PRDX4: variants seen among roughly 807,000 people sequenced by gnomAD.
The protein encoded by PRDX4 is peroxiredoxin-4.
A neutral mutation model predicts 20.5 loss-of-function variants in PRDX4; 12 were observed. That is an observed-to-expected ratio of 0.58 (90% CI 0.37 to 0.95). The LOEUF (loss-of-function observed/expected upper bound fraction) is 0.95. PRDX4 is among the 40% of genes least tolerant of loss of function. PRDX4 has a pLI of 0.01. For synonymous variants in PRDX4, 99 were observed against 87.5 expected, an observed-to-expected ratio of 1.13 and a Z score of -0.73; for missense variants, 180 against 207.3, an observed-to-expected ratio of 0.87 and a Z score of 0.81.
At chrX:23,682,604 A>G (rs980742396) in intron 5 of PRDX4, 78 bp downstream of exon 5, 4 of 824,206 alleles carry the variant, frequency 4.9e-6, no homozygotes, top group Admixed American at 4.1e-5. Flanking sequence ...CGTAAAAGTA[A>G]TCGATATTTC....
Position 23,679,203 on chromosome X carries a change from T to C in PRDX4, c.515T>C (p.Ile172Thr), listed in dbSNP as rs777625746. ...TPRRQGGLGPIRIPLLSDLTH... is the reference protein window; with the variant it reads ...TPRRQGGLGPTRIPLLSDLTH... ...CGAAGACAAGGAGGACTTGGGCCAA[T>C]AAGGATTCCACTTCTTTCAGATTTG... The change falls in exon 4 of 7, where the codon ATA becomes ACA. Residue 172 changes from isoleucine (I) to threonine (T), a missense_variant. Ile to Thr is a moderately conservative substitution (Grantham distance 89, BLOSUM62 -1). This residue lies in a region of PRDX4 where 73 missense variants were observed against 76.5 expected (regional missense o/e 0.95). Transcript: ENST00000379341. The C allele has an allele frequency of 1.3e-5, 16 of 1,205,709 alleles. No homozygotes were observed. The highest frequency in any genetic ancestry group is 1.7e-5 in the Non-Finnish European group (15 of 891,999).
At chrX:23,682,663 C>A (rs1201275534) in intron 5 of PRDX4, 137 bp downstream of exon 5, 1 of 430,460 alleles carries the variant, frequency 2.3e-6, no homozygotes, top group Non-Finnish European at 3.3e-6. Flanking sequence ...TTTTAACAGA[C>A]CAAATTATAA....
At chrX:23,674,642 A>G (rs1239958314) in intron 2 of PRDX4, among the ~76,000 whole-genome samples, 1 of 111,578 alleles carries the variant, frequency 9.0e-6, no homozygotes, top group Non-Finnish European at 1.9e-5. Context: ...AGATCCTTTG[A>G]AAGCTATAAA....
At chrX:23,675,700 G>A (rs1410557870) in intron 3 of PRDX4, among the ~76,000 whole-genome samples, 2 of 111,793 alleles carry the variant, frequency 1.8e-5, no homozygotes, top group African/African-American at 3.3e-5. Flanking sequence ...TTGAAGAAAC[G>A]GCACTCACAC....
At chrX:23,685,790 C>T (rs1928172332) in intron 6 of PRDX4, among the ~76,000 whole-genome samples, 2 of 106,768 alleles carry the variant, frequency 1.9e-5, no homozygotes, top group Non-Finnish European at 3.9e-5. Flanking sequence ...GACAGTAGTG[C>T]TTGATGTATT....
intron 3 of PRDX4, among the ~76,000 whole-genome samples, chrX:23,677,340 G>A (rs1287520117): frequency 9.0e-6 from 1 of 111,372 alleles, no homozygotes; most frequent in Non-Finnish European, 1.9e-5. Context: ...TACAGATTGA[G>A]CGTCCCTAAC....
In PRDX4 at chrX:23,676,012, C is replaced by T. The variant is rs371927173; in HGVS notation, c.476+906C>T. On this transcript the variant is annotated intron_variant, in intron 3 of 6. Coordinates refer to ENST00000379341, the MANE Select transcript of PRDX4 (RefSeq NM_006406.2). ...GCGTGGTAGCAGGTGCCTGTAATCCCAGCAACTCAGGAGGCTGAGGCAGGA... is the reference window on the plus strand; with the variant it reads ...GCGTGGTAGCAGGTGCCTGTAATCCTAGCAACTCAGGAGGCTGAGGCAGGA... 1.1e-3 allele frequency among the ~76,000 whole-genome samples: 125 copies of T among 109,313 alleles called. No homozygotes were observed. The South Asian group carries it at 0.015, about 13-fold the overall frequency. The allele number at this position is 109,313 out of a possible 115,157, so 94.9% of individuals were successfully genotyped here. A position where few individuals can be genotyped will look rare whatever the true frequency, so the allele number is the denominator to read the frequency against.
At chrX:23,683,300 C>G (rs757681763) in intron 5 of PRDX4, among the ~76,000 whole-genome samples, 1 of 111,738 alleles carries the variant, frequency 8.9e-6, no homozygotes, top group South Asian at 3.7e-4. Flanking sequence ...CTGAAGTATA[C>G]ATGGCAAACA....
chrX:23,679,098 GA>G lies in PRDX4; in HGVS notation c.477-64del. On this transcript the variant is annotated intron_variant, in intron 3 of 6. Transcript: ENST00000379341. ...ATGTGTGTGCGTGTGCATGTATAGA[GA>G]AAGAGTGCTGTTTTAATATATGCCG... is the stretch of plus-strand genomic sequence containing the variant. 3 of 1,116,558 alleles carry G rather than the reference GA, an allele frequency of 2.7e-6. No individual in the cohort carries two copies. In the South Asian group the frequency reaches 6.0e-5, roughly 22 times the overall value. The allele number at this position is 1,116,558 out of a possible 1,213,427, so 92.0% of individuals were successfully genotyped here.
intron 4 of PRDX4, among the ~76,000 whole-genome samples, chrX:23,681,753 T>G (rs1569184321): frequency 8.9e-6 from 1 of 112,330 alleles, no homozygotes; most frequent in African/African-American, 3.2e-5. Context: ...AAAATTTTTT[T>G]GTTAAGGCCG....
intron 5 of PRDX4, among the ~76,000 whole-genome samples, chrX:23,683,239 A>G (rs1477193806): frequency 2.7e-5 from 3 of 111,141 alleles, no homozygotes; most frequent in Non-Finnish European, 5.6e-5. Flanking sequence ...GTCAGGATGC[A>G]TTCTAATGTC....
intron 2 of PRDX4, among the ~76,000 whole-genome samples, chrX:23,674,626 T>C (rs11798857): frequency 0.24 from 26,165 of 109,946 alleles, 2,740 homozygotes; most frequent in South Asian, 0.36. Flanking sequence ...GACATAAAAT[T>C]TGTATAGATC....
rs751237392 is a variant in PRDX4, at chrX:23,683,736, T to G, written c.765+31T>G. 12 of 1,169,783 alleles carry G rather than the reference T, an allele frequency of 1.0e-5. No individual in the cohort carries two copies. The South Asian group carries it at 1.5e-4, about 15-fold the overall frequency. On this transcript the variant is annotated intron_variant, in intron 6 of 6. Coordinates refer to ENST00000379341, the MANE Select transcript of PRDX4 (RefSeq NM_006406.2). ...TATATATATATGTTTTTATGTTGAG[T>G]TGATGGTTAGAGTTGAAAAAAATGC...
intron 1 of PRDX4, among the ~76,000 whole-genome samples, chrX:23,669,680 GC>G (rs1318716331): frequency 9.0e-6 from 1 of 111,348 alleles, no homozygotes; most frequent in Non-Finnish European, 1.9e-5. Flanking sequence ...ACTTTGGGAG[GC>G]CGAGGCCATC....
chrX:23,677,668 T>C (rs754333528), intron 3 of PRDX4, among the ~76,000 whole-genome samples: 6 of 112,049 alleles, frequency 5.4e-5, no homozygotes, highest in Admixed American at 9.5e-5. Flanking sequence ...TGTTCAAGGC[T>C]TTATCTTATG....
chrX:23,684,445 G>C (rs1039899001), intron 6 of PRDX4, among the ~76,000 whole-genome samples: 2 of 111,380 alleles, frequency 1.8e-5, no homozygotes, highest in African/African-American at 6.5e-5. Flanking sequence ...TTCTCTCCTT[G>C]TCATGAAGAA....
chrX:23,667,902 C>T, intron 1 of PRDX4, 91 bp downstream of exon 1: 1 of 1,144,951 alleles, frequency 8.7e-7, no homozygotes, highest in Non-Finnish European at 1.2e-6. Context: ...TGGGCGGCAC[C>T]CCCTGGGCTG....
intron 4 of PRDX4, among the ~76,000 whole-genome samples, chrX:23,681,779 G>A (rs1324237757): frequency 2.7e-5 from 3 of 112,301 alleles, no homozygotes; most frequent in Non-Finnish European, 3.8e-5. Context: ...GGTGGCTCAC[G>A]CCTGTAATCC....
At chrX:23,682,594 C>T (rs969337507) in intron 5 of PRDX4, 68 bp downstream of exon 5, 6 of 867,424 alleles carry the variant, frequency 6.9e-6, no homozygotes, top group African/African-American at 6.5e-5. Context: ...GGTTTCTTAT[C>T]GTAAAAGTAA....
Sources: gnomAD v4.1 joint callset for allele counts (sites outside exome capture counted in the v4.1 genomes callset) on GRCh38, gnomAD v4.1.1 for gene constraint, gnomAD v4.1.1 regional missense constraint, MANE v1.5 for transcripts, NCBI Gene and HGNC (gene_info 2026-07-23, HGNC 2026-07-21) for gene names.